Variants in ADCY5 observed in about 807,000 individuals in gnomAD.
ADCY5 encodes the protein adenylate cyclase type 5.
ADCY5 carries 30 observed loss-of-function variants against 119.7 expected under a neutral mutation model. The ratio of observed to expected loss-of-function variants is 0.25; its 90% confidence interval spans 0.19 to 0.34. The LOEUF (loss-of-function observed/expected upper bound fraction) is 0.34, where lower values mean the gene tolerates loss of function less well. ADCY5 is among the 10% of genes least tolerant of loss of function. ADCY5 has a pLI of 1.00. For missense variants in ADCY5, 1,324 were observed against 1,775.2 expected (o/e 0.75, Z 4.57); for synonymous variants, 753 against 762.2 (o/e 0.99, Z 0.20).
intron 3 of ADCY5, among the ~76,000 whole-genome samples, chr3:123,347,105 C>T (rs944937240): frequency 6.6e-6 from 1 of 152,088 alleles, no homozygotes; most frequent in Non-Finnish European, 1.5e-5. Context: ...ATCTAGAATG[C>T]ATTCCCCACC....
chr3:123,373,794 G>T (rs1943728491), intron 1 of ADCY5, among the ~76,000 whole-genome samples: 2 of 127,054 alleles, frequency 1.6e-5, no homozygotes, highest in Admixed American at 1.0e-4. Flanking sequence ...GGTAGCAGAG[G>T]ATCAGGACTG....
chr3:123,408,599 T>G (rs956575908), intron 1 of ADCY5, among the ~76,000 whole-genome samples: 3 of 150,284 alleles, frequency 2.0e-5, no homozygotes, highest in Non-Finnish European at 4.4e-5. Flanking sequence ...CAGGTTGCAG[T>G]GAGCCGAGAT....
At chr3:123,372,352 G>A (rs1389573102) in intron 1 of ADCY5, among the ~76,000 whole-genome samples, 2 of 152,280 alleles carry the variant, frequency 1.3e-5, no homozygotes, top group South Asian at 4.1e-4. Flanking sequence ...CCAGGATGCA[G>A]GAAGATCCAG....
chr3:123,317,366 G>A (rs978431111), intron 11 of ADCY5, among the ~76,000 whole-genome samples: 1 of 149,104 alleles, frequency 6.7e-6, no homozygotes, highest in Non-Finnish European at 1.5e-5. Flanking sequence ...ACAGAAAGCA[G>A]CCCAGGGAAT....
intron 12 of ADCY5, among the ~76,000 whole-genome samples, chr3:123,305,697 T>C (rs1412042375): frequency 6.6e-6 from 1 of 152,114 alleles, no homozygotes; most frequent in East Asian, 1.9e-4. Context: ...GTAGACAGAG[T>C]TCTTGACAAA....
intron 12 of ADCY5, among the ~76,000 whole-genome samples, chr3:123,306,559 T>C (rs548669630): frequency 6.6e-5 from 10 of 152,346 alleles, no homozygotes; most frequent in Non-Finnish European, 1.5e-4. Context: ...ATTATTTTTG[T>C]CCATCAACTA....
rs1428660516 is a variant in ADCY5, at chr3:123,447,909, G to C, written c.637C>G (p.Leu213Val). 3 of 1,609,286 alleles carry C rather than the reference G, an allele frequency of 1.9e-6. No individual in the cohort carries two copies. In the African/African-American group the frequency reaches 4.0e-5, roughly 21 times the overall value. The change falls in exon 1 of 21, where the codon CTG (leucine) becomes GTG (valine). Residue 213 changes from leucine (L) to valine (V), a missense_variant. Physicochemically the swap from Leu to Val is conservative, Grantham distance 32. This residue lies in a region of ADCY5 where 585 missense variants were observed against 569.9 expected (regional missense o/e 1.03). Coordinates refer to ENST00000462833, the MANE Select transcript of ADCY5 (RefSeq NM_183357.3). ...LSLGACCLAL[L>V]QIFRSKKFPS... Reference sequence around the variant, plus strand: ...AACTTCTTGGAGCGGAATATCTGCAGCAACGCCAGGCAGCAGGCGCCCAGG... The same window carrying C: ...AACTTCTTGGAGCGGAATATCTGCACCAACGCCAGGCAGCAGGCGCCCAGG...
chr3:123,356,140 A>C (rs1460908352), intron 1 of ADCY5, among the ~76,000 whole-genome samples: 1 of 152,204 alleles, frequency 6.6e-6, no homozygotes, highest in East Asian at 1.9e-4. Flanking sequence ...CTATACACAA[A>C]AATTCACTCG....
At chr3:123,380,877 G>C in intron 1 of ADCY5, among the ~76,000 whole-genome samples, 1 of 152,256 alleles carries the variant, frequency 6.6e-6, no homozygotes, top group African/African-American at 2.4e-5. Context: ...CCAGGAGAGG[G>C]AGGGGATAGG....
At chr3:123,338,486 G>A (rs1469301316) in intron 3 of ADCY5, among the ~76,000 whole-genome samples, 1 of 152,214 alleles carries the variant, frequency 6.6e-6, no homozygotes. Context: ...CTGCTGGCCA[G>A]GATTTCCTGA....
At chr3:123,364,355 G>C (rs1386912152) in intron 1 of ADCY5, among the ~76,000 whole-genome samples, 3 of 152,112 alleles carry the variant, frequency 2.0e-5, no homozygotes, top group Non-Finnish European at 2.9e-5. Context: ...AAGTCAAATG[G>C]GAAAAGAGAT....
At chr3:123,418,540 A>C (rs1317615081) in intron 1 of ADCY5, among the ~76,000 whole-genome samples, 1 of 152,184 alleles carries the variant, frequency 6.6e-6, no homozygotes, top group Non-Finnish European at 1.5e-5. Flanking sequence ...CGTGTGAAGG[A>C]ACAAAACCTA....
rs372755823 is a variant in ADCY5, at chr3:123,409,162, G to C, written c.1134+38250C>G. The stretch of plus-strand genomic sequence containing the variant: ...ATCTGGCTCTGCCTATAACCAGCCT[G>C]GAAAGTCTTTATAAAATCTGCTCCC... On this transcript the variant is annotated intron_variant, in intron 1 of 20. Coordinates refer to ENST00000462833, the MANE Select transcript of ADCY5 (RefSeq NM_183357.3). Among the ~76,000 whole-genome samples, 4 of 152,220 alleles carry C rather than the reference G, an allele frequency of 2.6e-5. No homozygotes were observed. In the South Asian group the frequency reaches 6.2e-4, roughly 24 times the overall value.
intron 8 of ADCY5, among the ~76,000 whole-genome samples, chr3:123,325,062 G>C (rs557181413): frequency 6.6e-6 from 1 of 152,354 alleles, no homozygotes; most frequent in South Asian, 2.1e-4. Flanking sequence ...CGCAAGCTCT[G>C]CCAAGAGGGA....
At position 123,347,930 on chromosome 3, in the gene ADCY5, C is replaced by T. The variant is rs140531531; in HGVS notation, c.1285-27G>A. 30 of 1,613,646 alleles carry T rather than the reference C, an allele frequency of 1.9e-5. No individual in the cohort carries two copies. The African/African-American group carries it at 3.7e-4, about 20-fold the overall frequency. On this transcript the variant is annotated intron_variant, in intron 2 of 20. Transcript: ENST00000462833. ...TGCAGAGGGAAGCACATGCTTTCAT[C>T]ACCACGCCTTCTACCTGCCTGGCAA...
At position 123,303,168 on chromosome 3, in the gene ADCY5, T is replaced by C. The variant is rs754369198; in HGVS notation, c.2611A>G (p.Ile871Val). The change falls in exon 14 of 21, where the codon ATC becomes GTC. Residue 871 changes from isoleucine (I) to valine (V), a missense_variant. Ile to Val is a conservative substitution (Grantham distance 29). Around this residue, in one of 6 missense-constraint regions of ADCY5, gnomAD observed 424 missense variants for 546.8 expected, o/e 0.78. Coordinates refer to ENST00000462833, the MANE Select transcript of ADCY5 (RefSeq NM_183357.3). Reference sequence around the variant, plus strand: ...CACGCGTTGACCTGGCTCGCGCTGATGTTGTGCTCCTGTGCCAAGCAGCCC... The same window carrying C: ...CACGCGTTGACCTGGCTCGCGCTGACGTTGTGCTCCTGTGCCAAGCAGCCC... ...LLGCLAQEHN[I>V]SASQVNACHV... 2.5e-6 allele frequency: 4 copies of C among 1,613,748 alleles called. No individual in the cohort carries two copies. In the African/African-American group the frequency reaches 4.0e-5, roughly 16 times the overall value.
intron 1 of ADCY5, among the ~76,000 whole-genome samples, chr3:123,426,271 C>CTT (rs201291170): frequency 6.8e-6 from 1 of 146,344 alleles, no homozygotes; most frequent in Non-Finnish European, 1.5e-5. Context: ...AGCTGACATT[C>CTT]TTTTTTTTTC....
At chr3:123,333,715 C>T (rs1941891075) in intron 3 of ADCY5, among the ~76,000 whole-genome samples, 1 of 152,242 alleles carries the variant, frequency 6.6e-6, no homozygotes, top group Non-Finnish European at 1.5e-5. Flanking sequence ...TCTGAGCACA[C>T]CTCGAGGGCA....
intron 1 of ADCY5, among the ~76,000 whole-genome samples, chr3:123,411,595 C>T (rs1052417596): frequency 6.6e-6 from 1 of 152,178 alleles, no homozygotes; most frequent in South Asian, 2.1e-4. Context: ...TTATCCCCAA[C>T]CCCCAGCCAG....
Sources: allele counts gnomAD v4.1 joint callset (sites outside exome capture counted in the v4.1 genomes callset), GRCh38; gene constraint gnomAD v4.1.1; regional missense constraint gnomAD v4.1.1; transcripts MANE v1.5; gene names NCBI Gene and HGNC (gene_info 2026-07-23, HGNC 2026-07-21).